SPEF2: variants seen among roughly 807,000 people sequenced by gnomAD.
SPEF2 encodes the protein sperm flagella and cilia-associated protein 2.
Under a neutral mutation model 224.6 loss-of-function variants are expected in SPEF2, and 187 were observed. The observed-to-expected ratio is 0.83, with a 90% CI of 0.74 to 0.94. The LOEUF (loss-of-function observed/expected upper bound fraction) is 0.94. SPEF2 is among the 40% of genes least tolerant of loss of function. The pLI is 0.00. For missense variants in SPEF2, 2,170 were observed against 2,135.6 expected (o/e 1.02, Z -0.32); for synonymous variants, 715 against 707.3 (o/e 1.01, Z -0.17).
At chr5:35,626,736 G>C (rs1177003493) in intron 1 of SPEF2, among the ~76,000 whole-genome samples, 1 of 152,106 alleles carries the variant, frequency 6.6e-6, no homozygotes, top group East Asian at 1.9e-4. Flanking sequence ...TCAACTTAAG[G>C]ATTGAGGTAT....
chr5:35,647,998 A>G (rs907608504), intron 5 of SPEF2, among the ~76,000 whole-genome samples: 1 of 152,168 alleles, frequency 6.6e-6, no homozygotes, highest in African/African-American at 2.4e-5. Flanking sequence ...CTCTCATGTG[A>G]CCTATAAAGA....
chr5:35,735,866 G>A (rs2149679390), intron 21 of SPEF2, among the ~76,000 whole-genome samples: 1 of 152,292 alleles, frequency 6.6e-6, no homozygotes, highest in East Asian at 1.9e-4. Flanking sequence ...TCATCACACT[G>A]ATATGAACAC....
chr5:35,777,232 G>C (rs6876261), intron 29 of SPEF2, among the ~76,000 whole-genome samples: 3 of 152,224 alleles, frequency 2.0e-5, no homozygotes, highest in Admixed American at 2.0e-4. Flanking sequence ...GTTATGGTTC[G>C]TTTTCTCTGG....
chr5:35,771,410 G>A (rs1297921548), intron 26 of SPEF2, among the ~76,000 whole-genome samples, 199 bp from the exon 27 acceptor site: 1 of 152,192 alleles, frequency 6.6e-6, no homozygotes, highest in Non-Finnish European at 1.5e-5. Flanking sequence ...GATGGTGGAA[G>A]GGAAGCCGCA....
intron 2 of SPEF2, among the ~76,000 whole-genome samples, chr5:35,629,151 CTTTTTTTT>C (rs768077049): frequency 1.0e-3 from 88 of 88,340 alleles, no homozygotes; most frequent in Non-Finnish European, 1.3e-3. Context: ...TCGATTGTTC[CTTTTTTTT>C]TTTTTTTTTT....
chr5:35,648,514 A>G (rs1747730881), intron 5 of SPEF2, among the ~76,000 whole-genome samples: 1 of 151,984 alleles, frequency 6.6e-6, no homozygotes, highest in African/African-American at 2.4e-5. Flanking sequence ...CCTCCTGAGT[A>G]ACTGGGACTA....
intron 32 of SPEF2, among the ~76,000 whole-genome samples, chr5:35,794,277 A>G (rs1756363332): frequency 6.6e-6 from 1 of 152,234 alleles, no homozygotes. Flanking sequence ...AAATAGGGAA[A>G]CTTTCAGAAG....
chr5:35,635,029 G>A (rs56187470), intron 2 of SPEF2, among the ~76,000 whole-genome samples: 17,618 of 151,922 alleles, frequency 0.12, 1,144 homozygotes, highest in East Asian at 0.18. Flanking sequence ...GAATACTAGC[G>A]AAGTGATTTT....
intron 30 of SPEF2, among the ~76,000 whole-genome samples, chr5:35,781,853 C>T (rs957564556): frequency 6.6e-6 from 1 of 152,048 alleles, no homozygotes; most frequent in Non-Finnish European, 1.5e-5. Flanking sequence ...GAGTAACGTT[C>T]ATTGTTATTA....
intron 21 of SPEF2, among the ~76,000 whole-genome samples, chr5:35,734,163 A>G (rs1233049953): frequency 6.6e-6 from 1 of 152,136 alleles, no homozygotes; most frequent in East Asian, 1.9e-4. Context: ...AGGAAGGGAT[A>G]GAATCTGGGA....
chr5:35,635,798 T>C (rs1008920614), intron 2 of SPEF2, among the ~76,000 whole-genome samples: 5 of 152,214 alleles, frequency 3.3e-5, no homozygotes, highest in African/African-American at 1.2e-4. Flanking sequence ...TTCAGCCTCA[T>C]AGAGTGTTTA....
intron 15 of SPEF2, chr5:35,698,921 C>T (rs1266677334): frequency 6.6e-6 from 1 of 152,226 alleles, no homozygotes; most frequent in East Asian, 1.9e-4. Flanking sequence ...CAAGGAAATT[C>T]TCTTTCCCAT....
At chr5:35,766,299 C>G (rs1752079120) in intron 26 of SPEF2, among the ~76,000 whole-genome samples, 1 of 151,964 alleles carries the variant, frequency 6.6e-6, no homozygotes, top group Non-Finnish European at 1.5e-5. Context: ...TTCTGTTGCC[C>G]TCCTCCCACC....
intron 36 of SPEF2, among the ~76,000 whole-genome samples, chr5:35,808,408 C>T (rs906153818): frequency 6.6e-6 from 1 of 152,038 alleles, no homozygotes; most frequent in Admixed American, 6.6e-5. Context: ...CCTTCCCCCA[C>T]CCCATGACAG....
Position 35,667,165 on chromosome 5 carries a change from C to A in SPEF2, c.1261C>A (p.Arg421Ser). The A allele has an allele frequency of 6.2e-7, 1 of 1,612,324 alleles. No individual in the cohort carries two copies. The highest frequency in any genetic ancestry group is 1.1e-5 in the South Asian group (1 of 90,630). ...GATTGCTGTGGAAAGAGCTCAAGCT[C>A]GTTATGAAAAGCATTATTCAGTATG... ...DQIAVERAQA[R>S]YEKHYSVCAE... The change falls in exon 9 of 37, where the codon CGT becomes AGT. Residue 421 changes from arginine to serine, a missense_variant. Transcript: ENST00000356031.
intron 8 of SPEF2, among the ~76,000 whole-genome samples, chr5:35,661,750 A>G (rs1206191461): frequency 6.6e-6 from 1 of 152,198 alleles, no homozygotes; most frequent in Non-Finnish European, 1.5e-5. Flanking sequence ...TGCAAAGGAC[A>G]TGATCTCATT....
intron 11 of SPEF2, 144 bp from the exon 12 acceptor site, chr5:35,692,426 A>G: frequency 4.6e-6 from 3 of 658,844 alleles, no homozygotes; most frequent in East Asian, 5.3e-5. Context: ...AAACAAACCA[A>G]ACAAAACAAA....
intron 12 of SPEF2, among the ~76,000 whole-genome samples, chr5:35,694,013 T>C (rs73750817): frequency 0.015 from 2,259 of 152,324 alleles, 61 homozygotes; most frequent in African/African-American, 0.052. Context: ...AAAATAGTAG[T>C]TGGCATATTT....
At chr5:35,783,130 G>A (rs1383408274) in intron 30 of SPEF2, among the ~76,000 whole-genome samples, 2 of 152,200 alleles carry the variant, frequency 1.3e-5, no homozygotes, top group African/African-American at 4.8e-5. Flanking sequence ...TACCGGCAGA[G>A]TTAGATCTAG....
Sources: gnomAD v4.1 joint callset for allele counts (sites outside exome capture counted in the v4.1 genomes callset) on GRCh38, gnomAD v4.1.1 for gene constraint, MANE v1.5 for transcripts, NCBI Gene and HGNC (gene_info 2026-07-23, HGNC 2026-07-21) for gene names.